The following AMPH variants were observed in gnomAD, a reference collection of about 807,000 sequenced individuals.
The protein encoded by AMPH is amphiphysin, also known as amphiphysin (Stiff-Mann syndrome with breast cancer 128kD autoantigen).
A neutral mutation model predicts 99.1 loss-of-function variants in AMPH; 49 were observed. The observed-to-expected ratio is 0.49, with a 90% CI of 0.39 to 0.63. AMPH has a LOEUF of 0.63. Among genes scored for constraint, AMPH ranks in the 20% least tolerant of loss-of-function variants. The pLI is 0.00. For missense variants in AMPH, 759 were observed against 863.4 expected (o/e 0.88, Z 1.52); for synonymous variants, 314 against 317.3 (o/e 0.99, Z 0.11).
intron 17 of AMPH, among the ~76,000 whole-genome samples, chr7:38,406,718 CTCT>C (rs1358929385): frequency 4.5e-5 from 6 of 132,482 alleles, no homozygotes; most frequent in African/African-American, 1.7e-4. Flanking sequence ...CCTCTCCTCT[CTCT>C]CTCCCTTTCC....
intron 1 of AMPH, among the ~76,000 whole-genome samples, chr7:38,608,517 G>A (rs1165850693): frequency 1.3e-5 from 2 of 152,092 alleles, no homozygotes; most frequent in African/African-American, 2.4e-5. Context: ...TTGGGGTTCT[G>A]TAGCACATCT....
chr7:38,410,605 A>T (rs1459721065), intron 17 of AMPH, among the ~76,000 whole-genome samples: 5 of 152,252 alleles, frequency 3.3e-5, no homozygotes, highest in African/African-American at 1.2e-4. Flanking sequence ...AGGAATTTTT[A>T]AAGTAATACA....
chr7:38,550,982 C>T (rs993625335), intron 1 of AMPH, among the ~76,000 whole-genome samples: 2 of 152,050 alleles, frequency 1.3e-5, no homozygotes, highest in Non-Finnish European at 2.9e-5. Context: ...ATAAATGAAA[C>T]AGTAACATCC....
At chr7:38,432,121 A>C (rs531304497) in intron 13 of AMPH, 68 bp downstream of exon 13, 8 of 1,323,324 alleles carry the variant, frequency 6.0e-6, no homozygotes, top group Non-Finnish European at 8.8e-6. Context: ...AATGAAATAA[A>C]ATATAACAAG....
At chr7:38,446,810 A>AT (rs1440173722) in intron 11 of AMPH, among the ~76,000 whole-genome samples, 1 of 152,222 alleles carries the variant, frequency 6.6e-6, no homozygotes, top group African/African-American at 2.4e-5. Context: ...GAGCTTACTA[A>AT]TAACATTAAA....
intron 11 of AMPH, among the ~76,000 whole-genome samples, chr7:38,454,787 A>T (rs1435430690): frequency 6.6e-6 from 1 of 152,240 alleles, no homozygotes; most frequent in East Asian, 1.9e-4. Flanking sequence ...TGTTTATCGA[A>T]GTGCTGGTGA....
chr7:38,522,924 T>C (rs1026739774), intron 2 of AMPH, among the ~76,000 whole-genome samples: 2 of 151,412 alleles, frequency 1.3e-5, no homozygotes, highest in African/African-American at 4.9e-5. Flanking sequence ...CTGGCCAACA[T>C]AGTGAAACCC....
chr7:38,494,581 T>A, intron 3 of AMPH, 54 bp from the exon 4 acceptor site: 1 of 1,478,948 alleles, frequency 6.8e-7, no homozygotes. Flanking sequence ...AGGATTCTCT[T>A]CTCCCTTCCT....
chr7:38,503,163 G>A (rs935013896), intron 3 of AMPH, among the ~76,000 whole-genome samples: 1 of 152,202 alleles, frequency 6.6e-6, no homozygotes, highest in Non-Finnish European at 1.5e-5. Flanking sequence ...ATTGCACGTC[G>A]GTAGGGATGC....
At chr7:38,547,517 T>C (rs1186501546) in intron 1 of AMPH, among the ~76,000 whole-genome samples, 1 of 152,106 alleles carries the variant, frequency 6.6e-6, no homozygotes, top group Non-Finnish European at 1.5e-5. Context: ...AGCCCTGCAG[T>C]TGACAAAGGA....
chr7:38,569,064 A>G (rs899237704), intron 1 of AMPH, among the ~76,000 whole-genome samples: 18 of 152,210 alleles, frequency 1.2e-4, no homozygotes, highest in African/African-American at 4.3e-4. Flanking sequence ...AGCTGTAACT[A>G]TATTGCCATT....
intron 7 of AMPH, among the ~76,000 whole-genome samples, chr7:38,472,248 A>C (rs1232677603): frequency 6.6e-6 from 1 of 152,108 alleles, no homozygotes. Flanking sequence ...GAAGATACAA[A>C]ATACTAATTT....
chr7:38,424,240 C>T (rs935490044), intron 15 of AMPH, among the ~76,000 whole-genome samples: 2 of 152,198 alleles, frequency 1.3e-5, no homozygotes, highest in Non-Finnish European at 2.9e-5. Context: ...TTCCAGTCAG[C>T]TTTTCAGCAT....
chr7:38,628,962 G>A (rs1014014642), intron 1 of AMPH, among the ~76,000 whole-genome samples: 1 of 152,222 alleles, frequency 6.6e-6, no homozygotes, highest in African/African-American at 2.4e-5. Flanking sequence ...GTGAAGCACA[G>A]ATGATAAGAA....
At chr7:38,470,608 C>A (rs769338358) in intron 7 of AMPH, among the ~76,000 whole-genome samples, 1 of 152,082 alleles carries the variant, frequency 6.6e-6, no homozygotes, top group Non-Finnish European at 1.5e-5. Context: ...TATTAGTGCT[C>A]TCAAAGGTTC....
At chr7:38,595,411 G>T (rs2129059445) in intron 1 of AMPH, among the ~76,000 whole-genome samples, 1 of 152,310 alleles carries the variant, frequency 6.6e-6, no homozygotes, top group East Asian at 1.9e-4. Flanking sequence ...TAGCCAGGAG[G>T]ATAGTCCCTG....
chr7:38,391,016 A>AGAGAGAGAGAGAGAG (rs1307756761), intron 19 of AMPH, among the ~76,000 whole-genome samples: 4 of 115,244 alleles, frequency 3.5e-5, no homozygotes, highest in South Asian at 2.9e-4. Flanking sequence ...AGAGAGAGAG[A>AGAGAGAGAGAGAGAG]ATGATACAAC....
chr7:38,612,695 C>T (rs1432750078), intron 1 of AMPH, among the ~76,000 whole-genome samples: 2 of 152,086 alleles, frequency 1.3e-5, no homozygotes, highest in Non-Finnish European at 2.9e-5. Flanking sequence ...TGAGGGTACC[C>T]GAGAGCCAGT....
At chr7:38,463,156 C>G (rs1787522054) in intron 9 of AMPH, 43 bp from the exon 10 acceptor site, 1 of 1,613,432 alleles carries the variant, frequency 6.2e-7, no homozygotes, top group Admixed American at 1.7e-5. Flanking sequence ...TTCTCAAGAA[C>G]AGTATTCATC....
Sources: gnomAD v4.1 joint callset for allele counts (sites outside exome capture counted in the v4.1 genomes callset) on GRCh38, gnomAD v4.1.1 for gene constraint, MANE v1.5 for transcripts, NCBI Gene and HGNC (gene_info 2026-07-23, HGNC 2026-07-21) for gene names.